ATP8A2: variants seen among roughly 807,000 people sequenced by gnomAD.
ATP8A2 encodes phospholipid-transporting ATPase IB.
In ATP8A2, 100 loss-of-function variants were observed where a neutral mutation model predicts 165.6. That is an observed-to-expected ratio of 0.60 (90% CI 0.51 to 0.71). The LOEUF (loss-of-function observed/expected upper bound fraction) is 0.71. Ranked by LOEUF, ATP8A2 falls within the 30% of genes least tolerant of loss-of-function variation. ATP8A2 has a pLI of 0.00. For synonymous variants in ATP8A2, 543 were observed against 548.8 expected, an observed-to-expected ratio of 0.99 and a Z score of 0.15; for missense variants, 1,227 against 1,479.5, an observed-to-expected ratio of 0.83 and a Z score of 2.80.
intron 30 of ATP8A2, among the ~76,000 whole-genome samples, chr13:25,855,929 C>G (rs539931084): frequency 6.6e-6 from 1 of 152,220 alleles, no homozygotes; most frequent in Non-Finnish European, 1.5e-5. Context: ...CATGCACTTA[C>G]TGGCCATTTT....
At chr13:25,928,988 A>G (rs1167392652) in intron 33 of ATP8A2, among the ~76,000 whole-genome samples, 1 of 152,050 alleles carries the variant, frequency 6.6e-6, no homozygotes, top group East Asian at 1.9e-4. Flanking sequence ...TCTCTGTATC[A>G]TCTATCTTCT....
At chr13:25,506,493 G>C (rs992230418) in intron 2 of ATP8A2, among the ~76,000 whole-genome samples, 3 of 152,244 alleles carry the variant, frequency 2.0e-5, no homozygotes, top group Non-Finnish European at 4.4e-5. Context: ...CATCAAGGCA[G>C]ATATTGCCCA....
chr13:25,739,436 C>T (rs2043858966), intron 25 of ATP8A2, among the ~76,000 whole-genome samples: 1 of 152,150 alleles, frequency 6.6e-6, no homozygotes, highest in Admixed American at 6.5e-5. Flanking sequence ...TTTTAACTTG[C>T]TTATGTATAA....
chr13:25,912,128 A>G (rs934364509), intron 33 of ATP8A2, among the ~76,000 whole-genome samples: 2 of 149,642 alleles, frequency 1.3e-5, no homozygotes, highest in Non-Finnish European at 3.0e-5. Flanking sequence ...GTGTCAATCA[A>G]TGGATGAATG....
intron 25 of ATP8A2, among the ~76,000 whole-genome samples, chr13:25,721,171 C>T (rs1015503815): frequency 1.9e-4 from 28 of 150,892 alleles, no homozygotes; most frequent in African/African-American, 6.3e-4. Context: ...TGCTGTGTTT[C>T]TCAGGTTGGT....
intron 1 of ATP8A2, among the ~76,000 whole-genome samples, chr13:25,398,823 C>T (rs2033520972): frequency 6.6e-6 from 1 of 151,914 alleles, no homozygotes; most frequent in Non-Finnish European, 1.5e-5. Flanking sequence ...TCCTTCTCAC[C>T]AGGTATGAGG....
chr13:25,886,311 G>A (rs534038453), intron 33 of ATP8A2, among the ~76,000 whole-genome samples: 1 of 152,184 alleles, frequency 6.6e-6, no homozygotes, highest in African/African-American at 2.4e-5. Context: ...CTGGGATGAG[G>A]TCATAAAGCT....
intron 34 of ATP8A2, among the ~76,000 whole-genome samples, chr13:25,965,056 G>A (rs1436621020): frequency 1.3e-5 from 2 of 152,208 alleles, no homozygotes; most frequent in Non-Finnish European, 2.9e-5. Context: ...CTACTCAGGA[G>A]GCTGAGGTGG....
chr13:26,019,258 G>A (rs1043838315), intron 36 of ATP8A2, among the ~76,000 whole-genome samples: 7 of 152,228 alleles, frequency 4.6e-5, no homozygotes, highest in African/African-American at 1.2e-4. Flanking sequence ...ATAGCTGGGC[G>A]TGGTGGTGCA....
At chr13:26,002,374 C>T (rs1297936419) in intron 35 of ATP8A2, among the ~76,000 whole-genome samples, 7 of 151,114 alleles carry the variant, frequency 4.6e-5, no homozygotes, top group African/African-American at 1.2e-4. Flanking sequence ...AGTGAGAACA[C>T]TTGGACACGG....
intron 35 of ATP8A2, among the ~76,000 whole-genome samples, chr13:25,997,875 T>C (rs889367354): frequency 1.3e-5 from 2 of 152,244 alleles, no homozygotes; most frequent in African/African-American, 2.4e-5. Flanking sequence ...ATGGCTACTT[T>C]AAAATCTTTG....
At chr13:25,644,631 A>C (rs1220366357) in intron 24 of ATP8A2, among the ~76,000 whole-genome samples, 1 of 151,808 alleles carries the variant, frequency 6.6e-6, no homozygotes, top group Non-Finnish European at 1.5e-5. Flanking sequence ...AATTCATGTC[A>C]GTTCTTCATT....
At chr13:25,986,731 G>A (rs1474424064) in intron 35 of ATP8A2, among the ~76,000 whole-genome samples, 3 of 152,182 alleles carry the variant, frequency 2.0e-5, no homozygotes, top group Admixed American at 2.0e-4. Flanking sequence ...CCCGGGACTA[G>A]GATTGCTGAG....
chr13:25,859,561 A>C (rs2138751299), intron 30 of ATP8A2, among the ~76,000 whole-genome samples: 1 of 144,780 alleles, frequency 6.9e-6, no homozygotes, highest in East Asian at 2.0e-4. Context: ...CATCCTTGAA[A>C]AGAAAAAAAA....
At chr13:25,763,932 A>T (rs1019242570) in intron 25 of ATP8A2, among the ~76,000 whole-genome samples, 2 of 152,144 alleles carry the variant, frequency 1.3e-5, no homozygotes. Context: ...CAAATATCAC[A>T]TGTTTGTATA....
At chr13:25,807,617 C>T (rs1255322456) in intron 27 of ATP8A2, among the ~76,000 whole-genome samples, 1 of 152,108 alleles carries the variant, frequency 6.6e-6, no homozygotes, top group African/African-American at 2.4e-5. Context: ...TTCATGGATC[C>T]ATTACTAAAT....
Position 25,408,202 on chromosome 13 carries a change from G to C in ATP8A2, c.76+35914G>C, listed in dbSNP as rs112451241. 7.7e-3 allele frequency among the ~76,000 whole-genome samples: 1,178 copies of C among 152,202 alleles called. 14 individuals are homozygous for C. Among genetic ancestry groups the C allele is most frequent in the African/African-American group, 0.026 (1,076 of 41,518 alleles). On this transcript the variant is annotated intron_variant, in intron 1 of 36. Transcript: ENST00000381655. ...GAGGTCAGGAGACCAAGACAATCCT[G>C]GCCAACGTGGTGAAACCCCGTCTCT...
chr13:25,923,858 G>A (rs1392387832), intron 33 of ATP8A2, among the ~76,000 whole-genome samples: 1 of 152,118 alleles, frequency 6.6e-6, no homozygotes, highest in East Asian at 1.9e-4. Context: ...TGCCACATAG[G>A]TAGATTATGT....
At chr13:25,621,490 TC>T (rs2040967081) in intron 24 of ATP8A2, among the ~76,000 whole-genome samples, 1 of 152,216 alleles carries the variant, frequency 6.6e-6, no homozygotes, top group Non-Finnish European at 1.5e-5. Context: ...TCTGTGTTCT[TC>T]CCAACCAGAG....
Sources: allele counts gnomAD v4.1 joint callset (sites outside exome capture counted in the v4.1 genomes callset), GRCh38; gene constraint gnomAD v4.1.1; transcripts MANE v1.5; gene names NCBI Gene and HGNC (gene_info 2026-07-23, HGNC 2026-07-21).